Variants in KSR2 observed in about 807,000 individuals in gnomAD.
KSR2 encodes kinase suppressor of ras 2.
Under a neutral mutation model 107.8 loss-of-function variants are expected in KSR2, and 25 were observed. The observed-to-expected ratio is 0.23, with a 90% confidence interval of 0.17 to 0.32. The LOEUF is 0.32. Among genes scored for constraint, KSR2 ranks in the 10% least tolerant of loss-of-function variants. KSR2 has a pLI of 1.00. For missense variants in KSR2, 887 were observed against 1,268.9 expected, an observed-to-expected ratio of 0.70 and a Z score of 4.57; for synonymous variants, 480 against 507.0, an observed-to-expected ratio of 0.95 and a Z score of 0.71.
chr12:117,894,793 C>T (rs969832235), intron 1 of KSR2, among the ~76,000 whole-genome samples: 1 of 149,752 alleles, frequency 6.7e-6, no homozygotes, highest in Admixed American at 6.7e-5. Flanking sequence ...TGCCTGCTTC[C>T]CCTTTGCCTT....
chr12:117,615,604 G>A (rs1386687880), intron 5 of KSR2, among the ~76,000 whole-genome samples: 4 of 152,186 alleles, frequency 2.6e-5, no homozygotes, highest in Non-Finnish European at 5.9e-5. Flanking sequence ...AAAGATTCAT[G>A]TAGAGAGGAA....
chr12:117,628,170 A>C (rs976575541), intron 5 of KSR2, among the ~76,000 whole-genome samples: 4 of 152,018 alleles, frequency 2.6e-5, no homozygotes, highest in Middle Eastern at 3.4e-3. Context: ...CTCAGAGTTT[A>C]TTACTGACCT....
At chr12:117,865,836 C>A (rs1444843742) in intron 1 of KSR2, among the ~76,000 whole-genome samples, 2 of 152,098 alleles carry the variant, frequency 1.3e-5, no homozygotes, top group African/African-American at 4.8e-5. Context: ...TAGTGTTTCC[C>A]AACTGTAGGT....
At chr12:117,731,928 A>G (rs1315797489) in intron 4 of KSR2, among the ~76,000 whole-genome samples, 4 of 140,438 alleles carry the variant, frequency 2.8e-5, no homozygotes, top group East Asian at 2.1e-4. Context: ...GCCTAGGAAA[A>G]CTAGAGACCC....
chr12:117,901,680 C>T (rs1017101541), intron 1 of KSR2, among the ~76,000 whole-genome samples: 3 of 152,096 alleles, frequency 2.0e-5, no homozygotes, highest in Admixed American at 1.3e-4. Context: ...TTTTTTTAAA[C>T]GTGGAGTGTG....
At chr12:117,824,694 A>C (rs572339298) in intron 3 of KSR2, among the ~76,000 whole-genome samples, 77 of 151,660 alleles carry the variant, frequency 5.1e-4, no homozygotes, top group Non-Finnish European at 9.7e-4. Flanking sequence ...GTCTCCACTA[A>C]AAATACAAAA....
At chr12:117,850,720 G>A (rs1468074239) in intron 3 of KSR2, among the ~76,000 whole-genome samples, 1 of 151,502 alleles carries the variant, frequency 6.6e-6, no homozygotes, top group Non-Finnish European at 1.5e-5. Flanking sequence ...TGAGTGGGGG[G>A]ATCGCTTGAC....
At chr12:117,870,464 G>A (rs916314069) in intron 1 of KSR2, among the ~76,000 whole-genome samples, 2 of 152,244 alleles carry the variant, frequency 1.3e-5, no homozygotes, top group East Asian at 3.9e-4. Context: ...ACCGGGTGTG[G>A]TGGAACATGC....
chr12:117,521,027 G>A (rs527626862), intron 14 of KSR2, among the ~76,000 whole-genome samples: 1 of 152,078 alleles, frequency 6.6e-6, no homozygotes, highest in East Asian at 1.9e-4. Context: ...GCAGGGCCAG[G>A]CACTGTTACT....
chr12:117,471,593 GGA>G (rs1382791514), intron 17 of KSR2, among the ~76,000 whole-genome samples: 6 of 151,818 alleles, frequency 4.0e-5, no homozygotes, highest in Non-Finnish European at 8.8e-5. Context: ...AATGATTCTA[GGA>G]AATCATTGCA....
intron 4 of KSR2, among the ~76,000 whole-genome samples, chr12:117,726,589 G>A (rs1284679208): frequency 6.6e-6 from 1 of 152,146 alleles, no homozygotes; most frequent in Non-Finnish European, 1.5e-5. Context: ...GCAAATTATG[G>A]CCAGCAAAAC....
chr12:117,882,740 C>CCCAT (rs1233857417), intron 1 of KSR2, among the ~76,000 whole-genome samples: 3 of 149,300 alleles, frequency 2.0e-5, no homozygotes, highest in Non-Finnish European at 3.0e-5. Flanking sequence ...CACCCAACCA[C>CCCAT]CCATCCATCC....
At chr12:117,576,586 C>T (rs1030632608) in intron 7 of KSR2, among the ~76,000 whole-genome samples, 1 of 152,292 alleles carries the variant, frequency 6.6e-6, no homozygotes, top group South Asian at 2.1e-4. Context: ...CAACCTCAAG[C>T]TCCTGGGCTC....
At chr12:117,790,355 G>A (rs140428921) in intron 3 of KSR2, among the ~76,000 whole-genome samples, 1 of 152,294 alleles carries the variant, frequency 6.6e-6, no homozygotes, top group African/African-American at 2.4e-5. Context: ...CAAGGGGCAG[G>A]TAGATGACAG....
intron 1 of KSR2, among the ~76,000 whole-genome samples, chr12:117,954,412 C>T (rs1896449221): frequency 6.6e-6 from 1 of 152,208 alleles, no homozygotes; most frequent in Admixed American, 6.5e-5. Context: ...GCCTGCCGGC[C>T]ACTGATGGGA....
intron 3 of KSR2, among the ~76,000 whole-genome samples, chr12:117,832,242 C>G (rs764734834): frequency 1.3e-5 from 2 of 152,152 alleles, no homozygotes; most frequent in African/African-American, 2.4e-5. Flanking sequence ...CAAGATCATG[C>G]CATTGCACTC....
chr12:117,878,052 G>A (rs1447660314), intron 1 of KSR2, among the ~76,000 whole-genome samples: 1 of 150,088 alleles, frequency 6.7e-6, no homozygotes, highest in Admixed American at 6.6e-5. Context: ...CTGAGATGTG[G>A]AGAGGGCAGC....
chr12:117,527,609 A>G (rs1342709418), intron 12 of KSR2, among the ~76,000 whole-genome samples: 2 of 152,146 alleles, frequency 1.3e-5, no homozygotes, highest in African/African-American at 4.8e-5. Context: ...CTGTTCATTC[A>G]TGCATTCATG....
At chr12:117,518,452 GAC>G (rs1236354602) in intron 14 of KSR2, among the ~76,000 whole-genome samples, 1 of 152,228 alleles carries the variant, frequency 6.6e-6, no homozygotes, top group Non-Finnish European at 1.5e-5. Context: ...ATGGCAAACT[GAC>G]AGTCAGGATA....
Sources: gnomAD v4.1 joint callset for allele counts (sites outside exome capture counted in the v4.1 genomes callset) on GRCh38, gnomAD v4.1.1 for gene constraint, MANE v1.5 for transcripts, NCBI Gene and HGNC (gene_info 2026-07-23, HGNC 2026-07-21) for gene names.